The following PLAAT1 variants were observed in gnomAD, a reference collection of about 807,000 sequenced individuals.
The protein encoded by PLAAT1 is H-REV107 protein-related protein.
Under a neutral mutation model 16.4 loss-of-function variants are expected in PLAAT1, and 13 were observed. That is an observed-to-expected ratio of 0.79 (90% confidence interval 0.52 to 1.26). The LOEUF (loss-of-function observed/expected upper bound fraction) is 1.26, where lower values mean the gene tolerates loss of function less well. Ranked by LOEUF, PLAAT1 falls within the 50% of genes most tolerant of loss-of-function variation. The pLI, the probability that PLAAT1 is intolerant of heterozygous loss-of-function variation, is 0.00. For missense variants in PLAAT1, 218 were observed against 207.8 expected, an observed-to-expected ratio of 1.05 and a Z score of -0.30; for synonymous variants, 73 against 78.4, an observed-to-expected ratio of 0.93 and a Z score of 0.36.
At chr3:193,267,826 A>G (rs1432790471) in intron 3 of PLAAT1, among the ~76,000 whole-genome samples, 1 of 152,090 alleles carries the variant, frequency 6.6e-6, no homozygotes, top group African/African-American at 2.4e-5. Context: ...CACATTTTGC[A>G]CTCTCAGCAA....
Position 193,246,314 on chromosome 3 carries a change from T to C in PLAAT1, c.-1+4781T>C, listed in dbSNP as rs578222180. On this transcript the variant is annotated intron_variant, in intron 1 of 3. Transcript: ENST00000264735. Reference sequence around the variant, plus strand: ...TTTTCTGCATCTACTGAGATACTTGTGTGCTTTTTGTCGTTCATTTTGTTA... The same window carrying C: ...TTTTCTGCATCTACTGAGATACTTGCGTGCTTTTTGTCGTTCATTTTGTTA... 6.6e-5 allele frequency among the ~76,000 whole-genome samples: 10 copies of C among 152,278 alleles called. No individual in the cohort carries two copies. The East Asian group carries it at 1.4e-3, about 21-fold the overall frequency.
At chr3:193,278,205 C>T (rs1448811716), downstream of PLAAT1, among the ~76,000 whole-genome samples, 2 of 152,206 alleles carry the variant, frequency 1.3e-5, no homozygotes, top group Non-Finnish European at 2.9e-5. Context: ...GTACCAAACT[C>T]ACTCTGGAGC....
chr3:193,255,883 G>C, intron 2 of PLAAT1, 94 bp downstream of exon 2: 1 of 1,141,762 alleles, frequency 8.8e-7, no homozygotes, highest in Non-Finnish European at 1.2e-6. Context: ...AAACAAAATC[G>C]AAATAAAATA....
chr3:193,245,118 C>T (rs1034477214), intron 1 of PLAAT1, among the ~76,000 whole-genome samples: 1 of 152,172 alleles, frequency 6.6e-6, no homozygotes, highest in Non-Finnish European at 1.5e-5. Context: ...GGTCAACATG[C>T]AGTGCAATAA....
intron 3 of PLAAT1, among the ~76,000 whole-genome samples, chr3:193,266,050 A>G (rs1394205026): frequency 6.6e-6 from 1 of 152,230 alleles, no homozygotes; most frequent in African/African-American, 2.4e-5. Flanking sequence ...CATAGGGCCT[A>G]TGATTAATGA....
chr3:193,272,058 C>T (rs36032571), downstream of PLAAT1, among the ~76,000 whole-genome samples: 58,196 of 151,882 alleles, frequency 0.38, 12,782 homozygotes, highest in Non-Finnish European at 0.48. Context: ...TGTCTCCTAC[C>T]AGGAACTAAT....
At chr3:193,281,187 T>C (rs1302803661), downstream of PLAAT1, 2 of 985,260 alleles carry the variant, frequency 2.0e-6, no homozygotes, top group African/African-American at 3.5e-5. Context: ...TTCATTTACT[T>C]CATGGATTTG....
chr3:193,266,548 C>CT (rs1421430372), intron 3 of PLAAT1, among the ~76,000 whole-genome samples: 3 of 152,052 alleles, frequency 2.0e-5, no homozygotes, highest in Admixed American at 2.0e-4. Flanking sequence ...TCTACCTAAG[C>CT]TTTCGTGTTC....
At chr3:193,264,431 C>T (rs1197751899) in intron 3 of PLAAT1, among the ~76,000 whole-genome samples, 3 of 151,928 alleles carry the variant, frequency 2.0e-5, no homozygotes, top group Admixed American at 6.6e-5. Context: ...ATTGGCCATT[C>T]GTATATCACC....
chr3:193,262,826 G>C, intron 2 of PLAAT1, 144 bp from the exon 3 acceptor site: 1 of 766,366 alleles, frequency 1.3e-6, no homozygotes, highest in Non-Finnish European at 2.2e-6. Context: ...GCTTAAGGCT[G>C]ATGAGATTAA....
At chr3:193,258,207 A>G (rs2108792328) in intron 2 of PLAAT1, among the ~76,000 whole-genome samples, 2 of 152,318 alleles carry the variant, frequency 1.3e-5, no homozygotes, top group Admixed American at 1.3e-4. Flanking sequence ...AAGTTATTTG[A>G]AATTAATGAA....
intron 2 of PLAAT1, among the ~76,000 whole-genome samples, chr3:193,259,060 A>G (rs1297528589): frequency 6.6e-6 from 1 of 152,206 alleles, no homozygotes; most frequent in Admixed American, 6.5e-5. Context: ...ATAATCAAGA[A>G]GGCTTTATTC....
At chr3:193,245,475 T>C (rs1715947131) in intron 1 of PLAAT1, among the ~76,000 whole-genome samples, 1 of 152,336 alleles carries the variant, frequency 6.6e-6, no homozygotes, top group African/African-American at 2.4e-5. Flanking sequence ...ATCTTGGCTA[T>C]TATGAACAAT....
At chr3:193,265,847 C>T (rs772058925) in intron 3 of PLAAT1, among the ~76,000 whole-genome samples, 1 of 152,062 alleles carries the variant, frequency 6.6e-6, no homozygotes, top group African/African-American at 2.4e-5. Context: ...CTCACTTTTG[C>T]GTTGAAAATT....
chr3:193,276,778 G>A (rs1577317747), intron 2 of PLAAT1: 2 of 1,613,210 alleles, frequency 1.2e-6, no homozygotes. Flanking sequence ...ACAGAATTGG[G>A]TGAGGGCTAC....
At chr3:193,281,111 ATC>A (rs1560111328), downstream of PLAAT1, 1 of 843,790 alleles carries the variant, frequency 1.2e-6, no homozygotes. Context: ...TAGGAATTGC[ATC>A]TCTCAGGATA....
intron 2 of PLAAT1, among the ~76,000 whole-genome samples, chr3:193,258,968 A>G (rs560541720): frequency 2.0e-5 from 3 of 152,190 alleles, no homozygotes; most frequent in African/African-American, 7.2e-5. Flanking sequence ...ACTTCAGGCC[A>G]GTATTCCTGA....
intron 1 of PLAAT1, among the ~76,000 whole-genome samples, chr3:193,252,277 G>A (rs924904238): frequency 6.6e-6 from 1 of 152,100 alleles, no homozygotes; most frequent in African/African-American, 2.4e-5. Flanking sequence ...CCATTCATGA[G>A]GGATCCACTC....
rs111505475 is a variant in PLAAT1, at chr3:193,262,204, C to A, written c.140-766C>A. ...ATATAGTAGTTCCTGGCAGACTAGG[C>A]AAATGCTTATGAGCAGAGGCAGCCA... On this transcript the variant is annotated intron_variant, in intron 2 of 3. Coordinates refer to ENST00000264735, the MANE Select transcript of PLAAT1 (RefSeq NM_020386.5). 8.6e-3 allele frequency among the ~76,000 whole-genome samples: 1,303 copies of A among 152,206 alleles called. 21 individuals carry two copies. The highest frequency in any genetic ancestry group is 0.03 in the African/African-American group (1,252 of 41,532).
Sources: gnomAD v4.1 joint callset for allele counts (sites outside exome capture counted in the v4.1 genomes callset) on GRCh38, gnomAD v4.1.1 for gene constraint, MANE v1.5 for transcripts, NCBI Gene and HGNC (gene_info 2026-07-23, HGNC 2026-07-21) for gene names.